The following CHRM3 variants were observed in gnomAD, a reference collection of about 807,000 sequenced individuals.
The protein encoded by CHRM3 is cholinergic receptor muscarinic 3, also known as muscarinic acetylcholine receptor M3.
Under a neutral mutation model 41.8 loss-of-function variants are expected in CHRM3, and 11 were observed. That is an observed-to-expected ratio of 0.26 (90% CI 0.17 to 0.44). The LOEUF (loss-of-function observed/expected upper bound fraction) is 0.44, where lower values mean the gene tolerates loss of function less well. Ranked by LOEUF, CHRM3 falls within the 20% of genes least tolerant of loss-of-function variation. The probability of loss-of-function intolerance (pLI) is 1.00; values close to 1 mark genes in which losing one functional copy is unlikely to be tolerated. For missense variants in CHRM3, 571 were observed against 745.4 expected, an observed-to-expected ratio of 0.77 and a Z score of 2.72; for synonymous variants, 297 against 301.4, an observed-to-expected ratio of 0.99 and a Z score of 0.15.
At chr1:239,649,714 G>A (rs1672067675) in intron 4 of CHRM3, among the ~76,000 whole-genome samples, 1 of 152,134 alleles carries the variant, frequency 6.6e-6, no homozygotes, top group African/African-American at 2.4e-5. Flanking sequence ...ACTACTGCAG[G>A]AGTAGAGATC....
intron 4 of CHRM3, among the ~76,000 whole-genome samples, chr1:239,633,738 G>A (rs577912801): frequency 1.9e-5 from 2 of 104,044 alleles, no homozygotes; most frequent in East Asian, 6.3e-4. Context: ...ACCCCTTCTT[G>A]CAATCACAGC....
intron 5 of CHRM3, among the ~76,000 whole-genome samples, chr1:239,778,778 C>G (rs958245765): frequency 6.6e-6 from 1 of 152,164 alleles, no homozygotes; most frequent in Admixed American, 6.5e-5. Context: ...CCTGTAATTC[C>G]TCTCTTTGGA....
chr1:239,633,153 A>G (rs1670051674), intron 4 of CHRM3, among the ~76,000 whole-genome samples: 2 of 152,114 alleles, frequency 1.3e-5, no homozygotes, highest in Non-Finnish European at 2.9e-5. Flanking sequence ...TTGTATTTTC[A>G]GTAGAGATGG....
intron 5 of CHRM3, among the ~76,000 whole-genome samples, chr1:239,823,194 T>C (rs1233856842): frequency 6.6e-6 from 1 of 152,180 alleles, no homozygotes; most frequent in Non-Finnish European, 1.5e-5. Flanking sequence ...TCTTATCTGA[T>C]CATCAAGAAA....
rs1673400807 is a variant in CHRM3 at position 239,662,933 on chromosome 1, C to CCTTCTTCTTCTTCTTCTTCTT, written c.-249-15251_-249-15250insTCTTCTTCTTCTTCTTCTTCT. Among the ~76,000 whole-genome samples, 6 of 17,134 alleles carry CCTTCTTCTTCTTCTTCTTCTT rather than the reference C, an allele frequency of 3.5e-4. No homozygotes were observed. In the South Asian group the frequency reaches 6.5e-3, roughly 19 times the overall value. The allele number at this position is 17,134 out of a possible 152,430, so 11.2% of individuals were successfully genotyped here. On this transcript the variant is annotated intron_variant, in intron 4 of 6. Transcript: ENST00000676153. ...TTCTTCTTCTTCTTCTTCTTCTTCTCCTCTTCTTCTTCCTTCTCCTTTCTC... is the reference window on the plus strand; with the variant it reads ...TTCTTCTTCTTCTTCTTCTTCTTCTCCTTCTTCTTCTTCTTCTTCTTCTCTTCTTCTTCCTTCTCCTTTCTC...
intron 5 of CHRM3, among the ~76,000 whole-genome samples, chr1:239,691,562 G>C (rs1008945194): frequency 1.8e-4 from 28 of 152,184 alleles, no homozygotes; most frequent in Non-Finnish European, 5.9e-5. Flanking sequence ...CCTGAAGACA[G>C]ATTAGAATTA....
intron 4 of CHRM3, among the ~76,000 whole-genome samples, chr1:239,676,655 A>G (rs577534308): frequency 2.0e-5 from 3 of 152,294 alleles, no homozygotes; most frequent in African/African-American, 7.2e-5. Flanking sequence ...AGTTTTAGCC[A>G]CTACTCCAAG....
chr1:239,407,656 C>T (rs1046396336), intron 1 of CHRM3, among the ~76,000 whole-genome samples: 35 of 152,070 alleles, frequency 2.3e-4, no homozygotes, highest in African/African-American at 6.3e-4. Flanking sequence ...TAAATTATAG[C>T]GTGGTACACC....
intron 1 of CHRM3, among the ~76,000 whole-genome samples, chr1:239,399,701 T>C (rs1659799446): frequency 7.5e-6 from 1 of 133,792 alleles, no homozygotes; most frequent in South Asian, 2.5e-4. Context: ...GCGTGAATGG[T>C]ATCTATTGTG....
chr1:239,685,541 G>T (rs2149117499), intron 5 of CHRM3, among the ~76,000 whole-genome samples: 1 of 152,132 alleles, frequency 6.6e-6, no homozygotes, highest in African/African-American at 2.4e-5. Context: ...CTGTGTTCTG[G>T]ACCAGGTGCA....
intron 5 of CHRM3, among the ~76,000 whole-genome samples, chr1:239,716,276 G>A (rs1482680491): frequency 6.6e-6 from 1 of 152,048 alleles, no homozygotes; most frequent in Non-Finnish European, 1.5e-5. Flanking sequence ...ATACAAAGTC[G>A]GTAGAGTTGA....
At chr1:239,551,766 G>C (rs1346320065) in intron 3 of CHRM3, among the ~76,000 whole-genome samples, 1 of 152,168 alleles carries the variant, frequency 6.6e-6, no homozygotes, top group African/African-American at 2.4e-5. Context: ...GGGCTAATGA[G>C]ATAGAGTTAT....
intron 5 of CHRM3, chr1:239,826,913 A>G (rs1426970198): frequency 1.3e-5 from 2 of 152,204 alleles, no homozygotes; most frequent in Non-Finnish European, 2.9e-5. Flanking sequence ...TCTTATTGGC[A>G]ATATATGTGA....
chr1:239,673,107 G>A (rs1371748337), intron 4 of CHRM3, among the ~76,000 whole-genome samples: 1 of 152,134 alleles, frequency 6.6e-6, no homozygotes, highest in African/African-American at 2.4e-5. Context: ...GCAGAAGACA[G>A]AATGGCTTCC....
chr1:239,500,285 A>G (rs771170163), intron 2 of CHRM3, among the ~76,000 whole-genome samples: 24 of 152,238 alleles, frequency 1.6e-4, no homozygotes, highest in Non-Finnish European at 2.9e-4. Context: ...TACTATGCAG[A>G]CATAAAAAGG....
chr1:239,392,715 G>T (rs755853032), intron 1 of CHRM3, among the ~76,000 whole-genome samples: 1 of 152,140 alleles, frequency 6.6e-6, no homozygotes, highest in African/African-American at 2.4e-5. Flanking sequence ...TTTACCATAG[G>T]TAGCTATGGC....
chr1:239,561,214 A>C (rs1430194533), intron 3 of CHRM3, among the ~76,000 whole-genome samples: 2 of 152,202 alleles, frequency 1.3e-5, no homozygotes. Flanking sequence ...AAATTCAGTT[A>C]ATGTCACATG....
chr1:239,660,914 G>A (rs557794930), intron 4 of CHRM3, among the ~76,000 whole-genome samples: 168 of 152,212 alleles, frequency 1.1e-3, no homozygotes, highest in African/African-American at 3.9e-3. Flanking sequence ...ATTTGTTGAA[G>A]ACTTCTTATA....
chr1:239,705,157 T>C (rs980937953), intron 5 of CHRM3: 3 of 152,088 alleles, frequency 2.0e-5, no homozygotes, highest in Non-Finnish European at 2.9e-5. Context: ...CAGTGAGCTA[T>C]GATCATGACA....
Sources: gnomAD v4.1 joint callset for allele counts (sites outside exome capture counted in the v4.1 genomes callset) on GRCh38, gnomAD v4.1.1 for gene constraint, MANE v1.5 for transcripts, NCBI Gene and HGNC (gene_info 2026-07-23, HGNC 2026-07-21) for gene names.